The following PDE1A variants were observed in gnomAD, a reference collection of about 807,000 sequenced individuals.
The protein encoded by PDE1A is dual specificity calcium/calmodulin-dependent 3',5'-cyclic nucleotide phosphodiesterase 1A.
Under a neutral mutation model 61.7 loss-of-function variants are expected in PDE1A, and 35 were observed. That is an observed-to-expected ratio of 0.57 (90% CI 0.43 to 0.75). The LOEUF (loss-of-function observed/expected upper bound fraction) is 0.75. Ranked by LOEUF, PDE1A falls within the 30% of genes least tolerant of loss-of-function variation. The probability of loss-of-function intolerance (pLI) is 0.00; values close to 1 mark genes in which losing one functional copy is unlikely to be tolerated. For synonymous variants in PDE1A, 232 were observed against 213.2 expected (o/e 1.09, Z -0.77); for missense variants, 597 against 630.6 (o/e 0.95, Z 0.57).
chr2:182,455,005 C>T (rs551798675), intron 2 of PDE1A, among the ~76,000 whole-genome samples: 56 of 151,964 alleles, frequency 3.7e-4, no homozygotes, highest in South Asian at 3.6e-3. Context: ...GCAACCTACT[C>T]ATCTGACAAA....
intron 12 of PDE1A, 95 bp downstream of exon 12, chr2:182,186,373 A>C: frequency 1.4e-6 from 2 of 1,406,998 alleles, no homozygotes; most frequent in Admixed American, 4.3e-5. Context: ...TTCTTGTGAG[A>C]ATTCTCTGCC....
chr2:182,573,644 T>TA, the PDE1A span, among the ~76,000 whole-genome samples: 1 of 151,898 alleles, frequency 6.6e-6, no homozygotes, highest in Non-Finnish European at 1.5e-5. Flanking sequence ...CATTAGCAAA[T>TA]CGTTAGTAAT....
chr2:182,683,338 A>G, the PDE1A span, among the ~76,000 whole-genome samples: 1 of 151,988 alleles, frequency 6.6e-6, no homozygotes, highest in Admixed American at 6.6e-5. Flanking sequence ...CGGCCTCCCA[A>G]AGTGCTGGGA....
intron 7 of PDE1A, among the ~76,000 whole-genome samples, chr2:182,209,323 C>A (rs368047323): frequency 1.3e-5 from 2 of 151,992 alleles, no homozygotes; most frequent in Middle Eastern, 3.4e-3. Context: ...TTCACTATCA[C>A]GAGAACAGTA....
rs1204032629 is a variant in PDE1A, at chr2:182,226,748, AATC to A, written c.676-2787_676-2785del. ...GCAGAAATAAAGGGTTAAGAGGATA[AATC>A]ATGAGCAATGCAACACTGTATTTCA... On this transcript the variant is annotated intron_variant, in intron 6 of 13. Transcript: ENST00000351439. Among the ~76,000 whole-genome samples, 14 of 149,994 alleles carry A rather than the reference AATC, an allele frequency of 9.3e-5. 2 individuals are homozygous for A. The highest frequency in any genetic ancestry group is 3.3e-4 in the African/African-American group (13 of 39,506).
the PDE1A span, among the ~76,000 whole-genome samples, chr2:182,584,112 T>C: frequency 3.7e-4 from 56 of 152,206 alleles, no homozygotes; most frequent in African/African-American, 1.1e-3. Context: ...CACAAGGAGT[T>C]GCAGAGAGAG....
At chr2:182,560,439 A>T in the PDE1A span, among the ~76,000 whole-genome samples, 1 of 151,414 alleles carries the variant, frequency 6.6e-6, no homozygotes, top group Admixed American at 6.6e-5. Context: ...TATATGTGCC[A>T]CATTTTCTTA....
At chr2:182,489,064 C>T (rs928889042) in intron 2 of PDE1A, among the ~76,000 whole-genome samples, 1 of 152,094 alleles carries the variant, frequency 6.6e-6, no homozygotes, top group Non-Finnish European at 1.5e-5. Flanking sequence ...ATTGGGGGAG[C>T]TATTTTATAA....
At chr2:182,275,508 C>G (rs1693343663) in intron 1 of PDE1A, among the ~76,000 whole-genome samples, 1 of 152,068 alleles carries the variant, frequency 6.6e-6, no homozygotes, top group Non-Finnish European at 1.5e-5. Flanking sequence ...GAAAGTTTTT[C>G]TTGAGATTTG....
the PDE1A span, among the ~76,000 whole-genome samples, chr2:182,594,678 T>C: frequency 6.6e-6 from 1 of 152,250 alleles, no homozygotes. Flanking sequence ...ACTTCTTGTA[T>C]AAAGGTATTT....
the PDE1A span, among the ~76,000 whole-genome samples, chr2:182,601,528 C>T: frequency 1.3e-5 from 2 of 152,234 alleles, no homozygotes; most frequent in African/African-American, 4.8e-5. Flanking sequence ...TCTAGACTTG[C>T]CATTTGGTGG....
upstream of PDE1A, among the ~76,000 whole-genome samples, chr2:182,526,046 T>C (rs1319714602): frequency 2.0e-5 from 3 of 152,104 alleles, no homozygotes; most frequent in East Asian, 1.9e-4. Flanking sequence ...CAAGAAATCA[T>C]AGGGATCAAA....
chr2:182,306,601 C>T (rs1695601742), intron 1 of PDE1A, among the ~76,000 whole-genome samples: 4 of 152,010 alleles, frequency 2.6e-5, no homozygotes, highest in Admixed American at 2.6e-4. Flanking sequence ...CAGCATGGGA[C>T]TGGCATAAAA....
At chr2:182,170,066 C>T (rs1013913443) in intron 13 of PDE1A, among the ~76,000 whole-genome samples, 1 of 151,982 alleles carries the variant, frequency 6.6e-6, no homozygotes, top group African/African-American at 2.4e-5. Context: ...TTTGAGCACA[C>T]TTTTTGCTCT....
intron 7 of PDE1A, among the ~76,000 whole-genome samples, chr2:182,218,006 C>T (rs1688360717): frequency 6.7e-6 from 1 of 149,688 alleles, no homozygotes; most frequent in Non-Finnish European, 1.5e-5. Flanking sequence ...ATAGCAAAGA[C>T]TTGGAACCAA....
chr2:182,432,461 A>C (rs1458665423), intron 2 of PDE1A, among the ~76,000 whole-genome samples: 1 of 151,176 alleles, frequency 6.6e-6, no homozygotes, highest in African/African-American at 2.4e-5. Context: ...TGTTGTTGTT[A>C]TTTTCCTTAT....
chr2:182,360,350 T>C (rs1385561950), intron 1 of PDE1A, among the ~76,000 whole-genome samples: 1 of 152,064 alleles, frequency 6.6e-6, no homozygotes, highest in Non-Finnish European at 1.5e-5. Flanking sequence ...GGCAATCGGA[T>C]TTGGCAAGTG....
At chr2:182,256,638 T>G (rs955182988) in intron 2 of PDE1A, among the ~76,000 whole-genome samples, 35 of 152,206 alleles carry the variant, frequency 2.3e-4, no homozygotes, top group African/African-American at 7.0e-4. Context: ...ATAGACTGGA[T>G]TAAGAAAATG....
At chr2:182,699,135 TA>T in the PDE1A span, among the ~76,000 whole-genome samples, 1 of 152,040 alleles carries the variant, frequency 6.6e-6, no homozygotes, top group East Asian at 1.9e-4. Context: ...TAACCCAAGG[TA>T]AAAAGGGATA....
Sources: allele counts gnomAD v4.1 joint callset (sites outside exome capture counted in the v4.1 genomes callset), GRCh38; gene constraint gnomAD v4.1.1; transcripts MANE v1.5; gene names NCBI Gene and HGNC (gene_info 2026-07-23, HGNC 2026-07-21).